Variants in FETUB observed in about 807,000 individuals in gnomAD.
FETUB encodes fetuin B.
Under a neutral mutation model 30.9 loss-of-function variants are expected in FETUB, and 28 were observed. The observed-to-expected ratio is 0.90, with a 90% CI of 0.67 to 1.24. The LOEUF is 1.24. Among genes scored for constraint, FETUB ranks in the 50% most tolerant of loss-of-function variants. The probability of loss-of-function intolerance (pLI) is 0.00; values close to 1 mark genes in which losing one functional copy is unlikely to be tolerated. For missense variants in FETUB, 469 were observed against 455.3 expected, an observed-to-expected ratio of 1.03 and a Z score of -0.27; for synonymous variants, 186 against 175.9, an observed-to-expected ratio of 1.06 and a Z score of -0.45.
intron 4 of FETUB, among the ~76,000 whole-genome samples, chr3:186,645,721 C>CTTTTTTTTTTT: frequency 1.3e-5 from 1 of 79,580 alleles, no homozygotes; most frequent in Non-Finnish European, 2.2e-5. Flanking sequence ...CCATTCAAAT[C>CTTTTTTTTTTT]TTTTTTTTTT....
intron 2 of FETUB, 22 bp from the exon 3 acceptor site, chr3:186,642,444 GTCATA>G (rs752115200): frequency 7.6e-7 from 1 of 1,315,984 alleles, no homozygotes; most frequent in South Asian, 1.2e-5. Context: ...CATTCGCTAT[GTCATA>G]AAATGCATTT....
chr3:186,642,999 G>A (rs1272264675), intron 3 of FETUB, among the ~76,000 whole-genome samples: 1 of 152,082 alleles, frequency 6.6e-6, no homozygotes, highest in Non-Finnish European at 1.5e-5. Flanking sequence ...GCCCTCCCCT[G>A]ATGACCTCTG....
intron 5 of FETUB, among the ~76,000 whole-genome samples, chr3:186,648,379 T>G (rs1004860350): frequency 1.1e-4 from 16 of 152,380 alleles, no homozygotes; most frequent in African/African-American, 3.6e-4. Context: ...TAACACTGTC[T>G]TGAATACTAT....
At position 186,640,534 on chromosome 3, in the gene FETUB, C is replaced by T. The variant is rs779343254; in HGVS notation, c.74C>T (p.Ala25Val). The T allele has an allele frequency of 6.2e-7, 1 of 1,614,230 alleles. No homozygotes were observed. Among genetic ancestry groups the T allele is most frequent in the Non-Finnish European group, 8.5e-7 (1 of 1,180,034 alleles). Residue 25 changes from alanine to valine, a missense_variant, in exon 1 of 7, where the codon GCC (alanine) becomes GTC (valine). Physicochemically the swap from Ala to Val is moderately conservative, Grantham distance 64 (BLOSUM62 0). Coordinates refer to ENST00000265029, the MANE Select transcript of FETUB (RefSeq NM_014375.3). ...CCGAMSPPQLALNPSALLSRG... is the reference protein window; with the variant it reads ...CCGAMSPPQLVLNPSALLSRG... ...GGAGCAATGTCTCCACCCCAGCTGG[C>T]CCTCAACCCCTCGGCTCTGCTCTCC...
upstream of FETUB, among the ~76,000 whole-genome samples, chr3:186,638,384 A>C (rs1189286339): frequency 2.0e-5 from 3 of 152,156 alleles, no homozygotes; most frequent in Non-Finnish European, 4.4e-5. Flanking sequence ...GCAACTGTGC[A>C]TGTATACATA....
rs762616729 is a variant in FETUB, at chr3:186,652,577, T to C, written c.1095T>C (p.Thr365=). The change falls in exon 7 of 7, where the codon ACT becomes ACC. Residue 365 remains threonine (T), a synonymous_variant. Transcript: ENST00000265029. ...VLPFPKEKAR[T]AECPGPAQNA... ...CTTTCCCCAAAGAAAAAGCACGCAC[T>C]GCTGAGTGCCCAGGGCCAGCCCAGA... 1 of 1,613,608 alleles carries C rather than the reference T, an allele frequency of 6.2e-7. No individual in the cohort carries two copies. Among genetic ancestry groups the C allele is most frequent in the South Asian group, 1.1e-5 (1 of 91,012 alleles).
Position 186,641,142 on chromosome 3 carries a change from TGA to T in FETUB, c.336+4_336+5del. ...GGAATGAGGATATTTTTTGAATCAG[TGA>T]GTGCTTGTTTTTATAAACCATTAAG... On this transcript the variant is annotated splice_donor_region_variant and intron_variant, in intron 2 of 6. Coordinates refer to ENST00000265029, the MANE Select transcript of FETUB (RefSeq NM_014375.3). 6.3e-7 allele frequency: 1 copy of T among 1,588,370 alleles called. No individual in the cohort carries two copies. Among genetic ancestry groups the T allele is most frequent in the Admixed American group, 1.7e-5 (1 of 59,712 alleles).
intron 5 of FETUB, among the ~76,000 whole-genome samples, chr3:186,650,179 G>C (rs1233333087): frequency 5.4e-4 from 49 of 90,830 alleles, no homozygotes; most frequent in African/African-American, 1.4e-3. Flanking sequence ...GTGGGGGGGG[G>C]GGGTAAATCA....
In FETUB at chr3:186,651,259, G is replaced by A. The variant is rs777369711; in HGVS notation, c.738G>A (p.Trp246Ter). ...AAGGTTCTCTGACTCGAACACACTG[G>A]GAAAAGTTTGTCTCTGTGACTTGTG... ...LCKGSLTRTH[W>*]EKFVSVTCDF... Residue 246 changes from tryptophan (W) to a stop codon, truncating the protein, a stop_gained, in exon 6 of 7, where the codon TGG becomes TGA. Coordinates refer to ENST00000265029, the MANE Select transcript of FETUB (RefSeq NM_014375.3). LOFTEE classifies it low-confidence loss of function (END_TRUNC). The A allele has an allele frequency of 1.2e-6, 2 of 1,613,698 alleles. No homozygotes were observed. The highest frequency in any genetic ancestry group is 1.7e-6 in the Non-Finnish European group (2 of 1,179,648).
At chr3:186,650,023 C>T (rs1364225419) in intron 5 of FETUB, among the ~76,000 whole-genome samples, 1 of 151,602 alleles carries the variant, frequency 6.6e-6, no homozygotes, top group Non-Finnish European at 1.5e-5. Flanking sequence ...TGTGTGTGCA[C>T]ACACACACAT....
At chr3:186,643,422 G>A (rs113136383) in intron 3 of FETUB, among the ~76,000 whole-genome samples, 129 of 152,292 alleles carry the variant, frequency 8.5e-4, no homozygotes, top group South Asian at 6.4e-3. Flanking sequence ...AACTACGTGC[G>A]TGTCGCTCCC....
upstream of FETUB, among the ~76,000 whole-genome samples, chr3:186,639,231 C>T (rs1716867733): frequency 6.6e-6 from 1 of 152,166 alleles, no homozygotes; most frequent in Non-Finnish European, 1.5e-5. Context: ...CAAACACATC[C>T]TTTTATCAGG....
At chr3:186,651,577 G>A (rs575557103) in intron 6 of FETUB, 24 of 404,458 alleles carry the variant, frequency 5.9e-5, no homozygotes, top group African/African-American at 2.4e-4. Flanking sequence ...TAAATTCAGC[G>A]TCCCAAAGAA....
chr3:186,648,675 A>C (rs890523555), intron 5 of FETUB, among the ~76,000 whole-genome samples: 2 of 152,240 alleles, frequency 1.3e-5, no homozygotes, highest in Non-Finnish European at 2.9e-5. Flanking sequence ...AATTTCTTTC[A>C]ACAAAGTTTT....
At position 186,652,723 on chromosome 3, in the gene FETUB, G is replaced by A. The variant is rs955641461; in HGVS notation, c.*92G>A. ...GACAGAGACAGAGCGTGCACACGTAGAGTGGCTAGTGAAGGACGCCTTTTT... is the reference window on the plus strand; with the variant it reads ...GACAGAGACAGAGCGTGCACACGTAAAGTGGCTAGTGAAGGACGCCTTTTT... On this transcript the variant is annotated 3_prime_UTR_variant, in exon 7 of 7. Transcript: ENST00000265029. The A allele has an allele frequency of 3.4e-6, 5 of 1,453,006 alleles. No individual in the cohort carries two copies. In the South Asian group the frequency reaches 4.2e-5, roughly 12 times the overall value. 90.0% of individuals were successfully genotyped at this position (1,453,006 alleles called of 1,614,324 possible). A position where few individuals can be genotyped will look rare whatever the true frequency, so the allele number is the denominator to read the frequency against.
At chr3:186,640,191 G>A (rs1716920821), upstream of FETUB, among the ~76,000 whole-genome samples, 2 of 152,244 alleles carry the variant, frequency 1.3e-5, no homozygotes, top group South Asian at 4.1e-4. Flanking sequence ...TTGAACAAAT[G>A]TTATGATTTC....
rs1486314154 is a variant in FETUB, at chr3:186,640,451, TCTC to T, written c.-8_-6del. On this transcript the variant is annotated 5_prime_UTR_variant, in exon 1 of 7. Transcript: ENST00000265029. ...CAAACTGACCCATCCTGGGCCTTGT[TCTC>T]CACAGAATGGGTCTGCTCCTTCCCC... 6.2e-7 allele frequency: 1 copy of T among 1,610,922 alleles called. No homozygotes were observed.
chr3:186,652,378 G>C lies in FETUB; in HGVS notation c.896G>C (p.Gly299Ala). 1 of 1,612,990 alleles carries C rather than the reference G, an allele frequency of 6.2e-7. No homozygotes were observed. Among genetic ancestry groups the C allele is most frequent in the Admixed American group, 1.7e-5 (1 of 59,922 alleles). The change falls in exon 7 of 7, where the codon GGG becomes GCG. Residue 299 changes from glycine (G) to alanine (A), a missense_variant. Physicochemically the swap from Gly to Ala is moderately conservative, Grantham distance 60 (BLOSUM62 0). Coordinates refer to ENST00000265029, the MANE Select transcript of FETUB (RefSeq NM_014375.3). ...TPPTDSPSKAGPRGSVQYLPD... is the reference protein window; with the variant it reads ...TPPTDSPSKAAPRGSVQYLPD... Reference sequence around the variant, plus strand: ...CCAACAGACTCCCCCTCCAAAGCTGGGCCAAGAGGATCTGTCCAATATCTT... The same window carrying C: ...CCAACAGACTCCCCCTCCAAAGCTGCGCCAAGAGGATCTGTCCAATATCTT...
chr3:186,637,106 A>G (rs552714960), upstream of FETUB, among the ~76,000 whole-genome samples: 32 of 152,290 alleles, frequency 2.1e-4, 1 homozygote, highest in African/African-American at 5.8e-4. Flanking sequence ...AGTGGCACCT[A>G]CAGGCCTCGG....
Sources: allele counts gnomAD v4.1 joint callset (sites outside exome capture counted in the v4.1 genomes callset), GRCh38; gene constraint gnomAD v4.1.1; transcripts MANE v1.5; gene names NCBI Gene and HGNC (gene_info 2026-07-23, HGNC 2026-07-21).